Variants in SSBP3 observed in about 807,000 individuals in gnomAD.
SSBP3 encodes single-stranded DNA-binding protein 3.
A neutral mutation model predicts 69.6 loss-of-function variants in SSBP3; 5 were observed. That is an observed-to-expected ratio of 0.07 (90% CI 0.04 to 0.15). The LOEUF (loss-of-function observed/expected upper bound fraction) is 0.15, where lower values mean the gene tolerates loss of function less well. SSBP3 is among the 10% of genes least tolerant of loss of function. The pLI is 1.00. For missense variants in SSBP3, 312 were observed against 534.0 expected, an observed-to-expected ratio of 0.58 and a Z score of 4.10; for synonymous variants, 196 against 193.4, an observed-to-expected ratio of 1.01 and a Z score of -0.11.
chr1:54,231,676 C>T (rs1343570246), intron 14 of SSBP3, among the ~76,000 whole-genome samples: 2 of 152,106 alleles, frequency 1.3e-5, no homozygotes, highest in African/African-American at 4.8e-5. Context: ...CTATGGTCTA[C>T]TTTGTTTTAT....
intron 5 of SSBP3, among the ~76,000 whole-genome samples, chr1:54,270,492 G>T (rs559700011): frequency 1.3e-5 from 2 of 152,224 alleles, no homozygotes; most frequent in African/African-American, 4.8e-5. Context: ...GTGCTTAGGT[G>T]TGTCAAATAT....
chr1:54,321,953 G>A (rs531999817), intron 4 of SSBP3, among the ~76,000 whole-genome samples: 4 of 152,212 alleles, frequency 2.6e-5, no homozygotes, highest in African/African-American at 9.6e-5. Context: ...CTGAAAGCTG[G>A]TTGGAAGAAG....
chr1:54,275,656 C>T (rs537717155), intron 5 of SSBP3, among the ~76,000 whole-genome samples: 2 of 152,334 alleles, frequency 1.3e-5, no homozygotes, highest in South Asian at 4.1e-4. Flanking sequence ...TGCTTAGTTA[C>T]CACCACTGTC....
chr1:54,400,200 G>A (rs544103555), intron 4 of SSBP3, among the ~76,000 whole-genome samples: 12 of 152,236 alleles, frequency 7.9e-5, no homozygotes, highest in East Asian at 3.9e-4. Context: ...GTAGAGCACC[G>A]AACTTGGTTA....
At chr1:54,374,398 G>C (rs575683686) in intron 4 of SSBP3, among the ~76,000 whole-genome samples, 1 of 152,324 alleles carries the variant, frequency 6.6e-6, no homozygotes, top group East Asian at 1.9e-4. Context: ...AATCTCTTCA[G>C]TAAGCCCCAA....
chr1:54,292,229 C>T (rs1247480204), intron 4 of SSBP3, among the ~76,000 whole-genome samples: 1 of 152,228 alleles, frequency 6.6e-6, no homozygotes, highest in Non-Finnish European at 1.5e-5. Flanking sequence ...TCCTGGGATT[C>T]AAACCCAGGT....
At chr1:54,253,306 C>T (rs947606696) in intron 7 of SSBP3, among the ~76,000 whole-genome samples, 1 of 151,514 alleles carries the variant, frequency 6.6e-6, no homozygotes, top group East Asian at 1.9e-4. Flanking sequence ...ATCCTCCTGC[C>T]TCAGCCATCC....
intron 4 of SSBP3, among the ~76,000 whole-genome samples, chr1:54,324,203 C>T (rs367735480): frequency 3.3e-5 from 5 of 152,260 alleles, no homozygotes; most frequent in South Asian, 2.1e-4. Flanking sequence ...GAAAGCCTTC[C>T]GGCCACAGAA....
chr1:54,243,775 G>T (rs757458880), intron 9 of SSBP3, among the ~76,000 whole-genome samples: 58 of 152,172 alleles, frequency 3.8e-4, no homozygotes, highest in Non-Finnish European at 7.5e-4. Context: ...GCCCAGGCCT[G>T]GCACATACAG....
intron 4 of SSBP3, among the ~76,000 whole-genome samples, chr1:54,303,547 G>A (rs1459521846): frequency 6.6e-6 from 1 of 152,170 alleles, no homozygotes; most frequent in African/African-American, 2.4e-5. Context: ...ACATAAGCTC[G>A]GAGGGGGAAG....
exon 7 of SSBP3, chr1:54,257,163 T>C: frequency 6.2e-7 from 1 of 1,603,150 alleles, no homozygotes; most frequent in East Asian, 2.3e-5. Context: ...TGGGGCCGCC[T>C]GCGTATCGCG....
At chr1:54,309,579 C>T (rs1645962008) in intron 4 of SSBP3, among the ~76,000 whole-genome samples, 1 of 152,182 alleles carries the variant, frequency 6.6e-6, no homozygotes, top group South Asian at 2.1e-4. Context: ...TTAGACAACG[C>T]CAGGCAGTCA....
At position 54,351,354 on chromosome 1, in the gene SSBP3, A is replaced by G. The variant is rs575886622; in HGVS notation, c.276+50507T>C. ...TCTCAGGTATAAAATGGCAGCAATTATACCCCATTCCCAAGGTTACCGGAA... is the reference window on the plus strand; with the variant it reads ...TCTCAGGTATAAAATGGCAGCAATTGTACCCCATTCCCAAGGTTACCGGAA... On this transcript the variant is annotated intron_variant, in intron 4 of 17. Coordinates refer to ENST00000610401, the Ensembl canonical transcript of SSBP3. 2.0e-5 allele frequency among the ~76,000 whole-genome samples: 3 copies of G among 152,332 alleles called. No individual in the cohort carries two copies. The South Asian group carries it at 6.2e-4, about 32-fold the overall frequency.
chr1:54,287,496 G>A (rs1266516372), intron 4 of SSBP3: 1 of 152,266 alleles, frequency 6.6e-6, no homozygotes, highest in Non-Finnish European at 1.5e-5. Flanking sequence ...AAGGGAGCTT[G>A]GGGCACTCCT....
At chr1:54,228,671 C>T in intron 15 of SSBP3, 77 bp downstream of exon 15, 1 of 1,522,564 alleles carries the variant, frequency 6.6e-7, no homozygotes, top group Non-Finnish European at 8.9e-7. Context: ...TGTACCAAGC[C>T]CAGCTGAGCC....
At chr1:54,251,809 G>A in exon 8 of SSBP3, 1 of 1,611,824 alleles carries the variant, frequency 6.2e-7, no homozygotes, top group Non-Finnish European at 8.5e-7. Context: ...TGTCGTGTGG[G>A]ATCCATAGAA....
At chr1:54,349,611 C>T (rs1304202224) in intron 4 of SSBP3, among the ~76,000 whole-genome samples, 2 of 151,388 alleles carry the variant, frequency 1.3e-5, no homozygotes, top group Non-Finnish European at 2.9e-5. Flanking sequence ...TTGGCTTTTA[C>T]AGGAAGCAGG....
At chr1:54,391,939 G>C (rs1251480263) in intron 4 of SSBP3, among the ~76,000 whole-genome samples, 1 of 152,118 alleles carries the variant, frequency 6.6e-6, no homozygotes, top group African/African-American at 2.4e-5. Flanking sequence ...AGCCAGCAGG[G>C]ACAGGCTGCA....
At chr1:54,239,961 T>C (rs2100630537) in intron 13 of SSBP3, among the ~76,000 whole-genome samples, 1 of 152,164 alleles carries the variant, frequency 6.6e-6, no homozygotes, top group African/African-American at 2.4e-5. Flanking sequence ...CTTTTTATTT[T>C]TGGGGTGGGT....
Sources: gnomAD v4.1 joint callset for allele counts (sites outside exome capture counted in the v4.1 genomes callset) on GRCh38, gnomAD v4.1.1 for gene constraint, MANE v1.5 for transcripts, NCBI Gene and HGNC (gene_info 2026-07-23, HGNC 2026-07-21) for gene names.